The following GMDS variants were observed in gnomAD, a reference collection of about 807,000 sequenced individuals.
The protein encoded by GMDS is GDP-mannose 4,6-dehydratase.
GMDS carries 20 observed loss-of-function variants against 49.9 expected under a neutral mutation model. That is an observed-to-expected ratio of 0.40 (90% CI 0.28 to 0.58). The LOEUF (loss-of-function observed/expected upper bound fraction) is 0.58. GMDS is among the 20% of genes least tolerant of loss of function. The pLI is 0.42. For missense variants in GMDS, 362 were observed against 481.4 expected, an observed-to-expected ratio of 0.75 and a Z score of 2.32; for synonymous variants, 177 against 178.6, an observed-to-expected ratio of 0.99 and a Z score of 0.07.
In GMDS at chr6:1,706,594, C is replaced by G. The variant is rs573499994; in HGVS notation, c.987+19822G>C. Among the ~76,000 whole-genome samples, 15 of 152,338 alleles carry G rather than the reference C, an allele frequency of 9.8e-5. No homozygotes were observed. The South Asian group carries it at 3.1e-3, about 32-fold the overall frequency. On this transcript the variant is annotated intron_variant, in intron 9 of 10. Coordinates refer to ENST00000380815, the MANE Select transcript of GMDS (RefSeq NM_001500.4). ...AACACAAACCAGCGGAGGAGAACCC[C>G]TCGCAGGCCCATCATGAACACAACA...
intron 8 of GMDS, among the ~76,000 whole-genome samples, chr6:1,735,784 C>A (rs995464933): frequency 6.6e-6 from 1 of 152,184 alleles, no homozygotes; most frequent in African/African-American, 2.4e-5. Flanking sequence ...GCTATTACTT[C>A]AGTATCAATA....
chr6:2,020,920 G>C (rs763391795), intron 4 of GMDS, among the ~76,000 whole-genome samples: 8 of 152,184 alleles, frequency 5.3e-5, no homozygotes, highest in Non-Finnish European at 1.0e-4. Flanking sequence ...CTGCATATGT[G>C]CTTATCTACT....
At chr6:1,994,669 G>C (rs954098273) in intron 4 of GMDS, among the ~76,000 whole-genome samples, 12 of 151,910 alleles carry the variant, frequency 7.9e-5, no homozygotes, top group African/African-American at 2.9e-4. Flanking sequence ...CAGAGAAAAA[G>C]GACTTTAGCA....
rs1401192582 is a variant in GMDS, at chr6:1,798,256, C to CACACACAT, written c.772-55671_772-55670insATGTGTGT. On this transcript the variant is annotated intron_variant, in intron 7 of 10. Coordinates refer to ENST00000380815, the MANE Select transcript of GMDS (RefSeq NM_001500.4). ...TACAGAGCACACACACACACACACA[C>CACACACAT]ACACACACACACACACACACACACA... Among the ~76,000 whole-genome samples the CACACACAT allele has an allele frequency of 1.7e-4, 26 of 151,222 alleles. 1 individual carries two copies. Among genetic ancestry groups the CACACACAT allele is most frequent in the African/African-American group, 6.3e-4 (26 of 41,196 alleles).
chr6:1,745,789 A>T (rs938247317), intron 7 of GMDS, among the ~76,000 whole-genome samples: 3 of 152,362 alleles, frequency 2.0e-5, no homozygotes, highest in African/African-American at 7.2e-5. Context: ...ACAGAGGGAT[A>T]GGGCTTTGTT....
Position 2,245,577 on chromosome 6 carries a change from C to T in GMDS, c.-155G>A. 1 of 412,084 alleles carries T rather than the reference C, an allele frequency of 2.4e-6. No homozygotes were observed. The highest frequency in any genetic ancestry group is 4.1e-5 in the East Asian group (1 of 24,360). The allele number at this position is 412,084 out of a possible 1,614,324, so 25.5% of individuals were successfully genotyped here. A position where few individuals can be genotyped will look rare whatever the true frequency, so the allele number is the denominator to read the frequency against. On this transcript the variant is annotated 5_prime_UTR_variant, in exon 1 of 11. Transcript: ENST00000380815. The stretch of plus-strand genomic sequence containing the variant: ...CGCGCGACCGGCCGCCACAGTCTGA[C>T]AGGGGCGCACGGGAGGCCGTGCAGG...
intron 8 of GMDS, among the ~76,000 whole-genome samples, chr6:1,733,742 C>T (rs2113462328): frequency 6.6e-6 from 1 of 152,234 alleles, no homozygotes; most frequent in African/African-American, 2.4e-5. Context: ...GTCCCAAGTA[C>T]TTGTGAGGCA....
intron 8 of GMDS, among the ~76,000 whole-genome samples, chr6:1,728,513 A>G (rs1214981942): frequency 6.6e-6 from 1 of 152,198 alleles, no homozygotes; most frequent in Non-Finnish European, 1.5e-5. Flanking sequence ...GTGCGCACCA[A>G]TATTCCACTG....
intron 7 of GMDS, among the ~76,000 whole-genome samples, chr6:1,877,643 T>TCAAAAAAAAAAA (rs776232284): frequency 1.9e-5 from 1 of 51,826 alleles, no homozygotes. Context: ...ATCTCAAAAA[T>TCAAAAAAAAAAA]TAAAAAAAAA....
chr6:1,641,445 G>A (rs1763327308), intron 9 of GMDS, among the ~76,000 whole-genome samples: 1 of 152,236 alleles, frequency 6.6e-6, no homozygotes, highest in African/African-American at 2.4e-5. Context: ...GTCAAAGGAG[G>A]GAAATACCTT....
At chr6:2,158,839 G>A (rs1030037135) in intron 1 of GMDS, among the ~76,000 whole-genome samples, 1 of 152,196 alleles carries the variant, frequency 6.6e-6, no homozygotes, top group African/African-American at 2.4e-5. Context: ...TCCCCACAGT[G>A]TCCACGGTGG....
At chr6:1,844,825 C>T (rs1489375022) in intron 7 of GMDS, among the ~76,000 whole-genome samples, 29 of 152,202 alleles carry the variant, frequency 1.9e-4, no homozygotes, top group Admixed American at 1.6e-3. Flanking sequence ...AATAGGTTAG[C>T]TTCTTTCTCA....
chr6:1,922,108 C>T (rs1761743476), intron 7 of GMDS, among the ~76,000 whole-genome samples: 2 of 152,164 alleles, frequency 1.3e-5, no homozygotes, highest in Admixed American at 1.3e-4. Context: ...AGTCACTTGA[C>T]AAAGATTCTA....
intron 7 of GMDS, among the ~76,000 whole-genome samples, chr6:1,917,128 T>G (rs116263962): frequency 1.3e-5 from 2 of 152,204 alleles, no homozygotes; most frequent in African/African-American, 4.8e-5. Flanking sequence ...TTAGAGGTAT[T>G]AGGCCAGCAG....
At chr6:1,879,654 C>G (rs1467684852) in intron 7 of GMDS, among the ~76,000 whole-genome samples, 3 of 151,590 alleles carry the variant, frequency 2.0e-5, no homozygotes, top group African/African-American at 7.3e-5. Context: ...GATTTTTACT[C>G]CTCTGTGTTA....
At chr6:1,952,384 GT>G (rs1252506257) in intron 6 of GMDS, among the ~76,000 whole-genome samples, 2 of 152,158 alleles carry the variant, frequency 1.3e-5, no homozygotes, top group African/African-American at 4.8e-5. Flanking sequence ...GTCTCTGAAA[GT>G]ACCTGTGGAG....
intron 1 of GMDS, among the ~76,000 whole-genome samples, chr6:2,182,514 T>G (rs1412481792): frequency 6.6e-6 from 1 of 152,332 alleles, no homozygotes; most frequent in Middle Eastern, 3.4e-3. Flanking sequence ...CTCTCTTGTT[T>G]GGGACTAATC....
intron 4 of GMDS, among the ~76,000 whole-genome samples, chr6:2,004,607 G>T (rs1425245934): frequency 6.6e-6 from 1 of 152,122 alleles, no homozygotes; most frequent in African/African-American, 2.4e-5. Context: ...CCCTGGGCTT[G>T]GCTCAATATT....
intron 4 of GMDS, among the ~76,000 whole-genome samples, chr6:2,004,757 G>A (rs1473974120): frequency 6.6e-6 from 1 of 152,140 alleles, no homozygotes; most frequent in Non-Finnish European, 1.5e-5. Context: ...CAGCAGAAGT[G>A]ATCAAAATAA....
Sources: allele counts gnomAD v4.1 joint callset (sites outside exome capture counted in the v4.1 genomes callset), GRCh38; gene constraint gnomAD v4.1.1; transcripts MANE v1.5; gene names NCBI Gene and HGNC (gene_info 2026-07-23, HGNC 2026-07-21).